The following CDH18 variants were observed in gnomAD, a reference collection of about 807,000 sequenced individuals.
CDH18 encodes the protein cadherin-18.
Under a neutral mutation model 67.9 loss-of-function variants are expected in CDH18, and 31 were observed. The observed-to-expected ratio is 0.46, with a 90% CI of 0.34 to 0.62. The LOEUF (loss-of-function observed/expected upper bound fraction) is 0.62, where lower values mean the gene tolerates loss of function less well. Ranked by LOEUF, CDH18 falls within the 20% of genes least tolerant of loss-of-function variation. CDH18 has a pLI of 0.01. For synonymous variants in CDH18, 362 were observed against 347.2 expected (o/e 1.04, Z -0.48); for missense variants, 890 against 975.5 (o/e 0.91, Z 1.17).
chr5:19,532,703 C>T (rs1271498929), intron 9 of CDH18, among the ~76,000 whole-genome samples: 1 of 152,124 alleles, frequency 6.6e-6, no homozygotes, highest in African/African-American at 2.4e-5. Context: ...TCTTAAAATA[C>T]CCCAGGTAAG....
At chr5:19,673,367 A>T (rs1257343992) in intron 5 of CDH18, among the ~76,000 whole-genome samples, 1 of 152,078 alleles carries the variant, frequency 6.6e-6, no homozygotes, top group Non-Finnish European at 1.5e-5. Context: ...GTTATATTTT[A>T]TTAATAAGTC....
At chr5:19,870,728 G>A (rs1365612520) in intron 2 of CDH18, among the ~76,000 whole-genome samples, 1 of 152,090 alleles carries the variant, frequency 6.6e-6, no homozygotes, top group East Asian at 1.9e-4. Flanking sequence ...AACAAGCAGT[G>A]TGAATGCAGA....
rs927003917 is a variant in CDH18, at chr5:19,720,903, T to C, written c.643+444A>G. On this transcript the variant is annotated intron_variant, in intron 5 of 12. Coordinates refer to ENST00000382275, the MANE Select transcript of CDH18 (RefSeq NM_004934.5). ...ATACAATTTTATATATATGTGTGTA[T>C]GTATACCTAACAATTTATGTGACAA... Among the ~76,000 whole-genome samples, 5 of 152,164 alleles carry C rather than the reference T, an allele frequency of 3.3e-5. No individual in the cohort carries two copies. The South Asian group carries it at 1.0e-3, about 32-fold the overall frequency.
intron 2 of CDH18, among the ~76,000 whole-genome samples, chr5:19,972,584 A>C (rs980272581): frequency 3.4e-5 from 5 of 148,010 alleles, no homozygotes; most frequent in Non-Finnish European, 6.0e-5. Flanking sequence ...ATAGCAGGGG[A>C]ATAATACAAT....
rs941619661 is a variant in CDH18 at position 19,490,012 on chromosome 5, C to T, written c.1631-6460G>A. Among the ~76,000 whole-genome samples the T allele has an allele frequency of 2.6e-5, 4 of 151,708 alleles. No homozygotes were observed. The East Asian group carries it at 7.7e-4, about 29-fold the overall frequency. ...TTTAAAACAAATATAGGAGTCTGAACTCCAAGAGAAAACTTCTACCCGTTA... is the reference window on the plus strand; with the variant it reads ...TTTAAAACAAATATAGGAGTCTGAATTCCAAGAGAAAACTTCTACCCGTTA... On this transcript the variant is annotated intron_variant, in intron 11 of 12. Transcript: ENST00000382275.
At chr5:20,112,294 A>T (rs1282487774) in intron 2 of CDH18, among the ~76,000 whole-genome samples, 3 of 152,226 alleles carry the variant, frequency 2.0e-5, no homozygotes, top group Non-Finnish European at 4.4e-5. Flanking sequence ...CTCTAAAGTA[A>T]AAAACAACTA....
intron 2 of CDH18, among the ~76,000 whole-genome samples, chr5:19,998,667 A>G (rs1229001216): frequency 6.6e-6 from 1 of 152,078 alleles, no homozygotes; most frequent in African/African-American, 2.4e-5. Flanking sequence ...CCTAAACAGT[A>G]TTAGTATTGT....
intron 2 of CDH18, among the ~76,000 whole-genome samples, chr5:19,865,598 T>A (rs1785396154): frequency 6.6e-6 from 1 of 152,048 alleles, no homozygotes; most frequent in African/African-American, 2.4e-5. Flanking sequence ...GAATCCCACA[T>A]GGCAACTCAG....
chr5:20,445,435 G>T lies in CDH18; in HGVS notation c.-580+130027C>A, dbSNP rs1405720532. 2.6e-5 allele frequency among the ~76,000 whole-genome samples: 4 copies of T among 152,284 alleles called. No individual in the cohort carries two copies. The South Asian group carries it at 8.3e-4, about 32-fold the overall frequency. On this transcript the variant is annotated intron_variant, in intron 1 of 14. Coordinates refer to the CDH18 transcript ENST00000507958. ...CATAATAATACTTTACAGTGTAAAA[G>T]AAAATGATTTTTATATTTGTTAAAA...
At chr5:19,639,525 C>T (rs1334782861) in intron 5 of CDH18, among the ~76,000 whole-genome samples, 1 of 152,158 alleles carries the variant, frequency 6.6e-6, no homozygotes, top group Non-Finnish European at 1.5e-5. Flanking sequence ...ACTGATGCTC[C>T]ATCACTATGG....
chr5:20,270,428 T>C (rs1449814025), intron 1 of CDH18, among the ~76,000 whole-genome samples: 1 of 152,070 alleles, frequency 6.6e-6, no homozygotes, highest in Non-Finnish European at 1.5e-5. Context: ...AAAACCATAA[T>C]GATACATAAT....
intron 2 of CDH18, among the ~76,000 whole-genome samples, chr5:19,949,150 G>A (rs6888182): frequency 0.14 from 20,614 of 152,050 alleles, 4,062 homozygotes; most frequent in African/African-American, 0.44. Flanking sequence ...TTCTCTGGGC[G>A]CAGAAAAATA....
At chr5:19,814,277 C>T (rs574951638) in intron 3 of CDH18, among the ~76,000 whole-genome samples, 5 of 151,984 alleles carry the variant, frequency 3.3e-5, no homozygotes, top group African/African-American at 4.8e-5. Flanking sequence ...TGTTGCTTAA[C>T]GAATATTACT....
chr5:20,187,259 A>G (rs1738172999), intron 2 of CDH18, among the ~76,000 whole-genome samples: 4 of 151,906 alleles, frequency 2.6e-5, no homozygotes, highest in South Asian at 4.1e-4. Context: ...CATAGATAAA[A>G]ATGGCTAAAA....
chr5:19,505,759 G>T (rs955280094), intron 10 of CDH18, among the ~76,000 whole-genome samples: 1 of 152,052 alleles, frequency 6.6e-6, no homozygotes, highest in African/African-American at 2.4e-5. Flanking sequence ...TGTTCATCAG[G>T]GATATTGGTC....
At chr5:19,908,139 T>C (rs1790731407) in intron 2 of CDH18, among the ~76,000 whole-genome samples, 6 of 152,092 alleles carry the variant, frequency 3.9e-5, no homozygotes, top group Non-Finnish European at 8.8e-5. Context: ...ACTATAATTA[T>C]AAAAATTATC....
intron 1 of CDH18, among the ~76,000 whole-genome samples, chr5:20,454,446 A>C (rs1273335068): frequency 6.6e-6 from 1 of 152,172 alleles, no homozygotes; most frequent in Non-Finnish European, 1.5e-5. Context: ...CTGTGTAGAA[A>C]ATAGTTCAAA....
chr5:19,856,799 C>T (rs555236381), intron 2 of CDH18, among the ~76,000 whole-genome samples: 30 of 152,174 alleles, frequency 2.0e-4, no homozygotes, highest in African/African-American at 6.3e-4. Flanking sequence ...TCAAGCACTG[C>T]GAGAAAATAA....
At chr5:20,516,908 G>A (rs956197697) in intron 1 of CDH18, among the ~76,000 whole-genome samples, 2 of 151,904 alleles carry the variant, frequency 1.3e-5, no homozygotes, top group African/African-American at 4.8e-5. Context: ...ACAAGTTCAA[G>A]TGTGATGATT....
Sources: gnomAD v4.1 joint callset for allele counts (sites outside exome capture counted in the v4.1 genomes callset) on GRCh38, gnomAD v4.1.1 for gene constraint, MANE v1.5 for transcripts, NCBI Gene and HGNC (gene_info 2026-07-23, HGNC 2026-07-21) for gene names.